Variants in EYS observed in about 807,000 individuals in gnomAD.
EYS encodes EGF-like photoreceptor maintenance factor, also known as protein eyes shut homolog.
Under a neutral mutation model 282.1 loss-of-function variants are expected in EYS, and 250 were observed. The observed-to-expected ratio is 0.89, with a 90% confidence interval of 0.80 to 0.98. The LOEUF (loss-of-function observed/expected upper bound fraction) is 0.98. EYS is among the 50% of genes least tolerant of loss of function. EYS has a pLI of 0.00. For synonymous variants in EYS, 1,355 were observed against 1,282.9 expected (o/e 1.06, Z -1.20); for missense variants, 4,016 against 3,709.0 (o/e 1.08, Z -2.15).
Position 65,561,634 on chromosome 6 carries a change from G to A in EYS, c.-332-65641C>T, listed in dbSNP as rs1011372662. Among the ~76,000 whole-genome samples, 3 of 151,996 alleles carry A rather than the reference G, an allele frequency of 2.0e-5. No individual in the cohort carries two copies. In the South Asian group the frequency reaches 6.2e-4, roughly 31 times the overall value. ...CAGTTTTATTTTTAAGTGTCAACAT[G>A]TACAATGTTTTAGAAATTACCACCT... On this transcript the variant is annotated intron_variant, in intron 2 of 42. Coordinates refer to ENST00000503581, the MANE Select transcript of EYS (RefSeq NM_001142800.2).
At chr6:63,931,142 G>T (rs1764880580) in intron 35 of EYS, among the ~76,000 whole-genome samples, 3 of 152,164 alleles carry the variant, frequency 2.0e-5, no homozygotes, top group Admixed American at 2.0e-4. Flanking sequence ...ACTTCCAATA[G>T]AAAACAGTTG....
At chr6:64,901,294 G>GTATATATATATA (rs70999177) in intron 18 of EYS, among the ~76,000 whole-genome samples, 11,058 of 127,006 alleles carry the variant, frequency 0.087, 586 homozygotes, top group Middle Eastern at 0.15. Flanking sequence ...ATGTAGTTGA[G>GTATATATATATA]TATATATATA....
chr6:64,033,828 C>CTA (rs1491226014), intron 33 of EYS, among the ~76,000 whole-genome samples: 28 of 59,186 alleles, frequency 4.7e-4, no homozygotes, highest in African/African-American at 1.5e-3. Context: ...AATGAGATTA[C>CTA]TCTCTCTCTC....
At chr6:65,642,033 G>A (rs1022833584) in intron 1 of EYS, among the ~76,000 whole-genome samples, 1 of 151,984 alleles carries the variant, frequency 6.6e-6, no homozygotes, top group African/African-American at 2.4e-5. Context: ...AGATTGTAAA[G>A]TCCTTATAAA....
intron 30 of EYS, among the ~76,000 whole-genome samples, chr6:64,236,133 G>A (rs1189634816): frequency 1.3e-5 from 2 of 152,136 alleles, no homozygotes; most frequent in African/African-American, 2.4e-5. Context: ...CCATGATCAA[G>A]TGGGCTTTTT....
intron 28 of EYS, among the ~76,000 whole-genome samples, chr6:64,395,822 G>C (rs964846664): frequency 6.6e-6 from 1 of 150,642 alleles, no homozygotes; most frequent in African/African-American, 2.4e-5. Flanking sequence ...CAAAATAATA[G>C]TACACATATT....
intron 31 of EYS, among the ~76,000 whole-genome samples, chr6:64,155,344 AT>A (rs5876880): frequency 0.34 from 50,100 of 146,368 alleles, 8,261 homozygotes; most frequent in East Asian, 0.51. Context: ...GCAGCACATA[AT>A]TTTTTTTTTT....
intron 2 of EYS, among the ~76,000 whole-genome samples, chr6:65,528,525 C>T (rs1223268407): frequency 4.6e-5 from 7 of 152,164 alleles, no homozygotes; most frequent in Non-Finnish European, 7.3e-5. Flanking sequence ...GAATGGGTTC[C>T]TTTGTAAAAA....
intron 2 of EYS, among the ~76,000 whole-genome samples, chr6:65,534,099 C>T (rs1008258003): frequency 3.3e-5 from 5 of 151,902 alleles, no homozygotes; most frequent in East Asian, 1.9e-4. Flanking sequence ...CTATTTGGCT[C>T]TCTAAGGTTA....
chr6:65,629,220 A>C (rs114055780), intron 2 of EYS, among the ~76,000 whole-genome samples: 2,117 of 152,328 alleles, frequency 0.014, 24 homozygotes, highest in Non-Finnish European at 0.02. Flanking sequence ...ATCTAAAGGG[A>C]GAGTCATATC....
intron 21 of EYS, among the ~76,000 whole-genome samples, chr6:64,818,707 G>A (rs770213873): frequency 4.6e-5 from 7 of 152,146 alleles, no homozygotes; most frequent in Admixed American, 1.3e-4. Context: ...GGAAGACTCA[G>A]CCAGTCTAGT....
intron 35 of EYS, among the ~76,000 whole-genome samples, chr6:63,944,259 C>T (rs537683464): frequency 1.1e-4 from 16 of 152,256 alleles, no homozygotes; most frequent in Admixed American, 9.2e-4. Context: ...GCATCTAGCT[C>T]TTAGCCACAT....
intron 14 of EYS, among the ~76,000 whole-genome samples, chr6:64,977,892 T>C (rs1416010213): frequency 6.6e-6 from 1 of 151,902 alleles, no homozygotes; most frequent in African/African-American, 2.4e-5. Context: ...GTGTCAAAGC[T>C]GCAGAAGAAA....
intron 5 of EYS, chr6:65,490,316 T>G (rs1012740058): frequency 9.8e-5 from 25 of 254,598 alleles, no homozygotes; most frequent in African/African-American, 5.5e-4. Context: ...TCATTGGTCA[T>G]AAATGCAAGT....
intron 41 of EYS, among the ~76,000 whole-genome samples, chr6:63,741,312 A>C (rs2149642223): frequency 6.6e-6 from 1 of 152,288 alleles, no homozygotes; most frequent in Non-Finnish European, 1.5e-5. Context: ...GGCCAATACC[A>C]TCTAGTAAAA....
intron 15 of EYS, among the ~76,000 whole-genome samples, chr6:64,934,001 G>A (rs991479630): frequency 1.3e-5 from 2 of 151,922 alleles, no homozygotes; most frequent in Non-Finnish European, 2.9e-5. Context: ...TGGAGGGATA[G>A]CATTAGAAGA....
At chr6:64,370,736 G>A (rs191345451) in intron 29 of EYS, among the ~76,000 whole-genome samples, 12 of 151,806 alleles carry the variant, frequency 7.9e-5, no homozygotes, top group East Asian at 1.9e-4. Flanking sequence ...ATCTCTTCTC[G>A]GTTCAATCTT....
intron 29 of EYS, among the ~76,000 whole-genome samples, chr6:64,364,518 A>G (rs1772126609): frequency 6.6e-6 from 1 of 151,944 alleles, no homozygotes; most frequent in South Asian, 2.1e-4. Context: ...CAAAACAGAT[A>G]AAAATTTATT....
chr6:64,194,029 C>T (rs1765202103), intron 31 of EYS, among the ~76,000 whole-genome samples: 1 of 151,978 alleles, frequency 6.6e-6, no homozygotes, highest in African/African-American at 2.4e-5. Context: ...AATGGGATGG[C>T]TGGGTCAAAT....
Sources: allele counts gnomAD v4.1 joint callset (sites outside exome capture counted in the v4.1 genomes callset), GRCh38; gene constraint gnomAD v4.1.1; transcripts MANE v1.5; gene names NCBI Gene and HGNC (gene_info 2026-07-23, HGNC 2026-07-21).